Variants in DLGAP2 observed in about 807,000 individuals in gnomAD.
DLGAP2 encodes the protein disks large-associated protein 2.
DLGAP2 carries 26 observed loss-of-function variants against 100.3 expected under a neutral mutation model. The ratio of observed to expected loss-of-function variants is 0.26; its 90% CI spans 0.19 to 0.36. The LOEUF (loss-of-function observed/expected upper bound fraction) is 0.36, where lower values mean the gene tolerates loss of function less well. Ranked by LOEUF, DLGAP2 falls within the 10% of genes least tolerant of loss-of-function variation. The pLI is 1.00. For missense variants in DLGAP2, 1,858 were observed against 1,453.2 expected, an observed-to-expected ratio of 1.28 and a Z score of -4.53; for synonymous variants, 886 against 630.1, an observed-to-expected ratio of 1.41 and a Z score of -6.08.
chr8:1,044,035 A>G (rs1802448458), intron 2 of DLGAP2, among the ~76,000 whole-genome samples: 1 of 152,136 alleles, frequency 6.6e-6, no homozygotes, highest in African/African-American at 2.4e-5. Context: ...CACTTCTCAC[A>G]GCAGTGACTG....
intron 3 of DLGAP2, among the ~76,000 whole-genome samples, chr8:1,346,515 G>C (rs545359802): frequency 1.9e-3 from 295 of 151,736 alleles, no homozygotes; most frequent in African/African-American, 6.7e-3. Flanking sequence ...TAGCTGTGTG[G>C]AGGTTGAGTT....
chr8:907,305 G>A (rs1798401201), intron 1 of DLGAP2, among the ~76,000 whole-genome samples: 1 of 152,184 alleles, frequency 6.6e-6, no homozygotes, highest in Admixed American at 6.5e-5. Context: ...TCAGCTGCAC[G>A]TTACCGGAGT....
intron 3 of DLGAP2, among the ~76,000 whole-genome samples, chr8:1,412,109 T>C (rs944125246): frequency 2.0e-5 from 3 of 152,226 alleles, no homozygotes; most frequent in African/African-American, 4.8e-5. Flanking sequence ...CTCTCAAGCA[T>C]GGGCTGGGCT....
At chr8:1,108,663 G>C (rs1804854295) in intron 2 of DLGAP2, among the ~76,000 whole-genome samples, 1 of 146,922 alleles carries the variant, frequency 6.8e-6, no homozygotes, top group African/African-American at 2.5e-5. Context: ...TGCTGGGTCT[G>C]TGAGGTGTGC....
chr8:910,072 C>T (rs542008697), intron 2 of DLGAP2, among the ~76,000 whole-genome samples: 26 of 152,284 alleles, frequency 1.7e-4, no homozygotes, highest in South Asian at 8.3e-4. Flanking sequence ...TTTTGGAAGA[C>T]GAAACGAGTT....
chr8:877,685 G>T (rs1797710106), intron 1 of DLGAP2, among the ~76,000 whole-genome samples: 1 of 152,184 alleles, frequency 6.6e-6, no homozygotes, highest in Admixed American at 6.5e-5. Context: ...GTAACCTACA[G>T]GTTCACCTGT....
intron 1 of DLGAP2, among the ~76,000 whole-genome samples, chr8:767,159 G>A (rs1821235060): frequency 6.6e-6 from 1 of 152,062 alleles, no homozygotes. Flanking sequence ...TTCTGCTGGG[G>A]CCACATCCAC....
At chr8:788,334 G>A (rs1423057969) in intron 1 of DLGAP2, among the ~76,000 whole-genome samples, 1 of 152,206 alleles carries the variant, frequency 6.6e-6, no homozygotes, top group Non-Finnish European at 1.5e-5. Flanking sequence ...TGGCATCTGT[G>A]TTCACATGGT....
chr8:1,434,864 C>A (rs541469887), intron 3 of DLGAP2, among the ~76,000 whole-genome samples: 4 of 152,306 alleles, frequency 2.6e-5, no homozygotes, highest in African/African-American at 9.6e-5. Context: ...CCTTCCTCCC[C>A]TCCCTCCTCC....
rs892905499 is a variant in DLGAP2, at chr8:1,288,329, G to A, written c.106+29446G>A. Among the ~76,000 whole-genome samples the A allele has an allele frequency of 4.0e-3, 557 of 139,182 alleles. 5 individuals are homozygous for A. Among genetic ancestry groups the A allele is most frequent in the African/African-American group, 0.014 (514 of 36,758 alleles). 91.3% of individuals were successfully genotyped at this position (139,182 alleles called of 152,430 possible). On this transcript the variant is annotated intron_variant, in intron 3 of 14. Transcript: ENST00000637795. ...GGTTGTTAGGAGGGGAACTAGTTTC[G>A]TTTCAGTGTGTGTGTGTATGTAGTT...
At chr8:1,409,285 A>G (rs11992621) in intron 3 of DLGAP2, among the ~76,000 whole-genome samples, 88,873 of 147,452 alleles carry the variant, frequency 0.6, 27,853 homozygotes, top group East Asian at 0.93. Flanking sequence ...GACCAGCTGA[A>G]AACCAACTGG....
intron 2 of DLGAP2, among the ~76,000 whole-genome samples, chr8:1,192,700 T>C (rs1345007158): frequency 6.6e-6 from 1 of 151,864 alleles, no homozygotes; most frequent in Non-Finnish European, 1.5e-5. Context: ...ACTTTAAGTT[T>C]TAGGGTACGT....
rs183419534 is a variant in DLGAP2 at position 937,156 on chromosome 8, G to A, written c.73+29190G>A. Among the ~76,000 whole-genome samples, 59 of 152,268 alleles carry A rather than the reference G, an allele frequency of 3.9e-4. No homozygotes were observed. In the East Asian group the frequency reaches 9.9e-3, roughly 25 times the overall value. ...GACGCTCCTCAAGTCTCCCTCGCTCGCCTGACGAGGTGCTGCCTGTCTTGC... is the reference window on the plus strand; with the variant it reads ...GACGCTCCTCAAGTCTCCCTCGCTCACCTGACGAGGTGCTGCCTGTCTTGC... On this transcript the variant is annotated intron_variant, in intron 2 of 14. Coordinates refer to ENST00000637795, the MANE Select transcript of DLGAP2 (RefSeq NM_001346810.2).
rs1405517206 is a variant in DLGAP2 at position 1,328,174 on chromosome 8, G to C, written c.106+69291G>C. Among the ~76,000 whole-genome samples, 4 of 151,994 alleles carry C rather than the reference G, an allele frequency of 2.6e-5. No individual in the cohort carries two copies. In the South Asian group the frequency reaches 6.3e-4, roughly 24 times the overall value. On this transcript the variant is annotated intron_variant, in intron 3 of 14. Transcript: ENST00000637795. ...CCTGCCTCAGCCTCCCAAGTAGCCG[G>C]GACTACAGGCATGTGCCACCACACC...
chr8:1,329,049 G>A (rs891678576), intron 3 of DLGAP2, among the ~76,000 whole-genome samples: 2 of 152,230 alleles, frequency 1.3e-5, no homozygotes, highest in African/African-American at 2.4e-5. Flanking sequence ...CTCTCGTGAT[G>A]ACTTGGCTAA....
At chr8:1,582,469 G>A (rs555397036) in intron 6 of DLGAP2, among the ~76,000 whole-genome samples, 2 of 150,212 alleles carry the variant, frequency 1.3e-5, no homozygotes, top group Non-Finnish European at 3.0e-5. Context: ...ATTCTAGAAT[G>A]AGAGAAAATA....
intron 2 of DLGAP2, among the ~76,000 whole-genome samples, chr8:1,175,511 A>T (rs550838064): frequency 2.0e-5 from 3 of 152,314 alleles, no homozygotes; most frequent in African/African-American, 7.2e-5. Flanking sequence ...GTTGTTTATC[A>T]TGTTTCATTG....
chr8:1,216,459 C>T (rs1191757045), intron 2 of DLGAP2, among the ~76,000 whole-genome samples: 5 of 151,904 alleles, frequency 3.3e-5, no homozygotes, highest in African/African-American at 9.7e-5. Context: ...GGAGATCCTC[C>T]CTCTTCAACC....
intron 1 of DLGAP2, among the ~76,000 whole-genome samples, chr8:859,691 G>C (rs1797353038): frequency 6.6e-6 from 1 of 152,158 alleles, no homozygotes; most frequent in African/African-American, 2.4e-5. Flanking sequence ...CAACAAAGCA[G>C]AACGAGAAGT....
Sources: gnomAD v4.1 joint callset for allele counts (sites outside exome capture counted in the v4.1 genomes callset) on GRCh38, gnomAD v4.1.1 for gene constraint, MANE v1.5 for transcripts, NCBI Gene and HGNC (gene_info 2026-07-23, HGNC 2026-07-21) for gene names.